The following CTNNA2 variants were observed in gnomAD, a reference collection of about 807,000 sequenced individuals.
The protein encoded by CTNNA2 is catenin alpha 2, also known as catenin alpha-2.
In CTNNA2, 42 loss-of-function variants were observed where a neutral mutation model predicts 101.0. The observed-to-expected ratio is 0.42, with a 90% confidence interval of 0.32 to 0.54. The LOEUF is 0.54. CTNNA2 is among the 20% of genes least tolerant of loss of function. The pLI is 0.14. For missense variants in CTNNA2, 871 were observed against 1,223.1 expected, an observed-to-expected ratio of 0.71 and a Z score of 4.29; for synonymous variants, 450 against 456.4, an observed-to-expected ratio of 0.99 and a Z score of 0.18.
intron 2 of CTNNA2, among the ~76,000 whole-genome samples, chr2:79,273,187 AC>A (rs1268220801): frequency 6.6e-6 from 1 of 152,076 alleles, no homozygotes; most frequent in Non-Finnish European, 1.5e-5. Context: ...TTGTATCAGG[AC>A]TGTTCCAGAG....
In CTNNA2 at chr2:79,801,894, A is replaced by G. The variant is rs184105926; in HGVS notation, c.299-56119A>G. Among the ~76,000 whole-genome samples the G allele has an allele frequency of 2.6e-3, 388 of 149,248 alleles. 2 individuals are homozygous for G. The highest frequency in any genetic ancestry group is 9.2e-3 in the African/African-American group (374 of 40,718). ...GTAATCTAAGCTACTCGGGAGGCTG[A>G]GGCAGGAGAATCGCTTGAACCCGGG... On this transcript the variant is annotated intron_variant, in intron 3 of 18. Transcript: ENST00000402739.
In CTNNA2 at chr2:80,051,703, C is replaced by A. The variant is rs114831785; in HGVS notation, c.1056+141906C>A. On this transcript the variant is annotated intron_variant, in intron 7 of 18. Coordinates refer to ENST00000402739, the MANE Select transcript of CTNNA2 (RefSeq NM_001282597.3). Reference sequence around the variant, plus strand: ...AAGAAAAGGAACTCTTTTTCCCCCCCACAGAGGCCATTGCTCATGCCATTT... The same window carrying A: ...AAGAAAAGGAACTCTTTTTCCCCCCAACAGAGGCCATTGCTCATGCCATTT... Among the ~76,000 whole-genome samples the A allele has an allele frequency of 8.2e-3, 1,243 of 152,088 alleles. 13 individuals carry two copies. Among genetic ancestry groups the A allele is most frequent in the African/African-American group, 0.028 (1,177 of 41,468 alleles).
At chr2:80,264,801 G>A (rs1189456276) in intron 7 of CTNNA2, among the ~76,000 whole-genome samples, 1 of 152,042 alleles carries the variant, frequency 6.6e-6, no homozygotes, top group Non-Finnish European at 1.5e-5. Context: ...TATTAATGGG[G>A]GCAGCAAATA....
At chr2:80,044,597 A>C (rs1254059916) in intron 7 of CTNNA2, among the ~76,000 whole-genome samples, 1 of 152,040 alleles carries the variant, frequency 6.6e-6, no homozygotes, top group East Asian at 1.9e-4. Flanking sequence ...CCTGGGGTGC[A>C]TTCCCCAACT....
chr2:80,288,944 ACT>A (rs1416201935), intron 7 of CTNNA2: 2 of 152,194 alleles, frequency 1.3e-5, no homozygotes, highest in East Asian at 1.9e-4. Flanking sequence ...GTCCAAGAAC[ACT>A]GTTTCTCATG....
chr2:79,858,537 G>C (rs11683516), intron 4 of CTNNA2, among the ~76,000 whole-genome samples: 11,851 of 152,204 alleles, frequency 0.078, 642 homozygotes, highest in Non-Finnish European at 0.12. Flanking sequence ...CCATGTGATA[G>C]TTCAGGTTGG....
chr2:79,481,204 GATTGGCC>G (rs1671106224), intron 4 of CTNNA2, among the ~76,000 whole-genome samples: 1 of 152,098 alleles, frequency 6.6e-6, no homozygotes, highest in Non-Finnish European at 1.5e-5. Context: ...GAAAAACTTA[GATTGGCC>G]ATACAAAATC....
chr2:80,568,560 G>GGTGTGTGT (rs1234919156), intron 12 of CTNNA2, among the ~76,000 whole-genome samples: 124 of 104,760 alleles, frequency 1.2e-3, no homozygotes, highest in African/African-American at 4.8e-3. Context: ...GTGCTATAAT[G>GGTGTGTGT]GTGTGCGTGT....
chr2:80,417,850 A>G (rs963406130), intron 8 of CTNNA2, among the ~76,000 whole-genome samples: 2 of 152,146 alleles, frequency 1.3e-5, no homozygotes, highest in Non-Finnish European at 2.9e-5. Context: ...TGATAATTTT[A>G]AGTTGCTCAT....
chr2:80,179,475 G>A lies in CTNNA2; in HGVS notation c.1057-213736G>A, dbSNP rs180775646. 3.0e-4 allele frequency among the ~76,000 whole-genome samples: 46 copies of A among 152,168 alleles called. No homozygotes were observed. The East Asian group carries it at 7.6e-3, about 25-fold the overall frequency. On this transcript the variant is annotated intron_variant, in intron 7 of 18. Transcript: ENST00000402739. Reference sequence around the variant, plus strand: ...TGCAGGCTCTGCCTCCCAGGTTCACGCCATTCTCCTGCCTCAGCCTCCCGA... The same window carrying A: ...TGCAGGCTCTGCCTCCCAGGTTCACACCATTCTCCTGCCTCAGCCTCCCGA...
At chr2:79,499,541 G>A (rs1671297213) in intron 4 of CTNNA2, among the ~76,000 whole-genome samples, 1 of 152,070 alleles carries the variant, frequency 6.6e-6, no homozygotes, top group Non-Finnish European at 1.5e-5. Context: ...CCTTCCCATA[G>A]CCACAGACAC....
In CTNNA2 at chr2:79,734,705, C is replaced by T. The variant is rs527261341; in HGVS notation, c.103-9682C>T. Among the ~76,000 whole-genome samples the T allele has an allele frequency of 5.9e-5, 9 of 152,168 alleles. No homozygotes were observed. The South Asian group carries it at 1.9e-3, about 32-fold the overall frequency. On this transcript the variant is annotated intron_variant, in intron 2 of 18. Coordinates refer to ENST00000402739, the MANE Select transcript of CTNNA2 (RefSeq NM_001282597.3). ...ACTAATTTGGTAATAATCATCATTA[C>T]GTCATATGCCTTCCTGAAGGGAGCA... is the stretch of plus-strand genomic sequence containing the variant.
At chr2:79,898,979 C>A (rs1354136585) in intron 6 of CTNNA2, among the ~76,000 whole-genome samples, 3 of 152,112 alleles carry the variant, frequency 2.0e-5, no homozygotes, top group Non-Finnish European at 4.4e-5. Flanking sequence ...GGAAGAAGAA[C>A]TGGGCAAGTG....
chr2:79,273,854 G>A (rs1309263764), intron 2 of CTNNA2, among the ~76,000 whole-genome samples: 1 of 151,298 alleles, frequency 6.6e-6, no homozygotes, highest in South Asian at 2.1e-4. Flanking sequence ...AGAAAGGGCT[G>A]ACCGCCCCAG....
chr2:80,632,333 A>C (rs1168208002), intron 18 of CTNNA2, among the ~76,000 whole-genome samples: 1 of 151,990 alleles, frequency 6.6e-6, no homozygotes, highest in Non-Finnish European at 1.5e-5. Context: ...GTAACTAAAG[A>C]TTTGATTCCA....
At chr2:80,160,440 T>C (rs1352779668) in intron 7 of CTNNA2, among the ~76,000 whole-genome samples, 1 of 152,186 alleles carries the variant, frequency 6.6e-6, no homozygotes, top group African/African-American at 2.4e-5. Context: ...ACACAGTATG[T>C]CTCTCAATAG....
intron 4 of CTNNA2, among the ~76,000 whole-genome samples, chr2:79,482,641 GT>G (rs1314780671): frequency 2.0e-5 from 3 of 152,052 alleles, no homozygotes; most frequent in African/African-American, 7.2e-5. Flanking sequence ...ATTCAAAGAG[GT>G]AAAAAGCCTA....
intron 1 of CTNNA2, among the ~76,000 whole-genome samples, chr2:79,582,961 A>C (rs1175895311): frequency 6.6e-6 from 1 of 152,134 alleles, no homozygotes; most frequent in Admixed American, 6.5e-5. Context: ...CTCTTCCAGA[A>C]TATGATAAAA....
intron 7 of CTNNA2, among the ~76,000 whole-genome samples, chr2:80,203,408 G>C (rs887043641): frequency 6.6e-6 from 1 of 152,170 alleles, no homozygotes; most frequent in South Asian, 2.1e-4. Flanking sequence ...ACAGACATTG[G>C]GTAAATACAC....
Sources: allele counts gnomAD v4.1 joint callset (sites outside exome capture counted in the v4.1 genomes callset), GRCh38; gene constraint gnomAD v4.1.1; transcripts MANE v1.5; gene names NCBI Gene and HGNC (gene_info 2026-07-23, HGNC 2026-07-21).